The following PHF21B variants were observed in gnomAD, a reference collection of about 807,000 sequenced individuals.
PHF21B encodes PHD finger protein 21B.
In PHF21B, 22 loss-of-function variants were observed where a neutral mutation model predicts 62.2. The observed-to-expected ratio is 0.35, with a 90% CI of 0.25 to 0.51. The LOEUF is 0.51. Among genes scored for constraint, PHF21B ranks in the 20% least tolerant of loss-of-function variants. The pLI is 0.97. For missense variants in PHF21B, 701 were observed against 707.9 expected (o/e 0.99, Z 0.11); for synonymous variants, 341 against 314.7 (o/e 1.08, Z -0.88).
chr22:44,994,084 G>A (rs2073082262), intron 2 of PHF21B, among the ~76,000 whole-genome samples: 1 of 152,212 alleles, frequency 6.6e-6, no homozygotes, highest in Non-Finnish European at 1.5e-5. Context: ...CACATACTGA[G>A]CCAAAGGCAC....
chr22:45,007,546 G>A (rs2073341674), intron 2 of PHF21B, among the ~76,000 whole-genome samples: 2 of 122,196 alleles, frequency 1.6e-5, no homozygotes, highest in Non-Finnish European at 3.6e-5. Context: ...GCGCGGCGCG[G>A]GCGGGGGCGG....
intron 5 of PHF21B, among the ~76,000 whole-genome samples, chr22:44,908,470 G>C (rs1334093780): frequency 6.6e-6 from 1 of 152,136 alleles, no homozygotes; most frequent in Non-Finnish European, 1.5e-5. Flanking sequence ...GTCACTCTGG[G>C]ACACTGCTGA....
At chr22:44,964,198 GTTAATA>G (rs1177495320) in intron 2 of PHF21B, among the ~76,000 whole-genome samples, 7 of 152,312 alleles carry the variant, frequency 4.6e-5, no homozygotes, top group African/African-American at 1.4e-4. Context: ...CAATATACTC[GTTAATA>G]TTAATATTCA....
intron 5 of PHF21B, among the ~76,000 whole-genome samples, chr22:44,908,316 T>C (rs2071286916): frequency 1.3e-5 from 2 of 152,172 alleles, no homozygotes; most frequent in Non-Finnish European, 2.9e-5. Context: ...AGTCCCTTCC[T>C]GTGGGGCCTG....
rs114790436 is a variant in PHF21B at position 44,998,870 on chromosome 22, G to A, written c.120+9675C>T. ...TACAATGCTCGCCCCATTCATCCCC[G>A]GGACATCACTGCCAGAGGGGCTCCA... On this transcript the variant is annotated intron_variant, in intron 2 of 12. Coordinates refer to ENST00000313237, the MANE Select transcript of PHF21B (RefSeq NM_138415.5). Among the ~76,000 whole-genome samples, 210 of 152,184 alleles carry A rather than the reference G, an allele frequency of 1.4e-3. 1 individual carries two copies. Among genetic ancestry groups the A allele is most frequent in the African/African-American group, 4.7e-3 (195 of 41,540 alleles).
At chr22:44,948,565 A>G (rs2072125737) in intron 2 of PHF21B, among the ~76,000 whole-genome samples, 1 of 152,202 alleles carries the variant, frequency 6.6e-6, no homozygotes, top group Admixed American at 6.5e-5. Flanking sequence ...GTGGTGCAGA[A>G]CTGTAGTCCC....
intron 2 of PHF21B, among the ~76,000 whole-genome samples, chr22:44,960,047 C>A (rs547018445): frequency 6.6e-6 from 1 of 152,318 alleles, no homozygotes; most frequent in East Asian, 1.9e-4. Context: ...AGTCCTGCAA[C>A]CCTCTCTAAT....
chr22:44,882,399 G>A lies in PHF21B; in HGVS notation c.*687C>T, dbSNP rs562124514. 2.3e-3 allele frequency: 351 copies of A among 152,882 alleles called. 1 individual carries two copies. The highest frequency in any genetic ancestry group is 3.7e-3 in the Non-Finnish European group (250 of 68,132). 9.5% of individuals were successfully genotyped at this position (152,882 alleles called of 1,614,324 possible). The stretch of plus-strand genomic sequence containing the variant: ...GAGCAGGAAGGGCACAGGCTCTGGC[G>A]GGGATCACTGCAGCGTCCCGGCGCC... On this transcript the variant is annotated 3_prime_UTR_variant, in exon 13 of 13. Transcript: ENST00000313237.
At chr22:44,973,414 C>G (rs978671875) in intron 2 of PHF21B, among the ~76,000 whole-genome samples, 1 of 152,164 alleles carries the variant, frequency 6.6e-6, no homozygotes, top group African/African-American at 2.4e-5. Flanking sequence ...ACAGGACAAA[C>G]AGCCAACCCT....
At chr22:44,888,148 AGGTCAGCCACAGCCAGGGCAGCGGGGGCC>A in intron 9 of PHF21B, 27 bp from the exon 10 acceptor site, 1 of 1,487,080 alleles carries the variant, frequency 6.7e-7, no homozygotes, top group Non-Finnish European at 9.0e-7. Flanking sequence ...GGCAGGAGAC[AGGTCAGCCACAGCCAGGGCAGCGGGGGCC>A]GGTCAGCCAG....
chr22:45,000,231 CG>C (rs1366897923), intron 2 of PHF21B, among the ~76,000 whole-genome samples: 1 of 152,072 alleles, frequency 6.6e-6, no homozygotes, highest in Non-Finnish European at 1.5e-5. Context: ...GGAGGGAAAT[CG>C]GGGGGCAGGG....
At chr22:44,928,786 G>A (rs1601609100) in intron 2 of PHF21B, among the ~76,000 whole-genome samples, 1 of 152,288 alleles carries the variant, frequency 6.6e-6, no homozygotes, top group South Asian at 2.1e-4. Flanking sequence ...CCTCGCAGTG[G>A]GCCGTGTTTC....
intron 10 of PHF21B, 133 bp downstream of exon 10, chr22:44,887,830 G>T: frequency 1.1e-6 from 1 of 912,478 alleles, no homozygotes; most frequent in Non-Finnish European, 1.5e-6. Context: ...AGCCCCAAAT[G>T]TCAATTGTGC....
intron 2 of PHF21B, among the ~76,000 whole-genome samples, chr22:44,973,408 G>A (rs2072676129): frequency 6.6e-6 from 1 of 152,178 alleles, no homozygotes; most frequent in Admixed American, 6.5e-5. Flanking sequence ...GAGGTTACAG[G>A]ACAAACAGCC....
chr22:44,925,696 C>T (rs1195351121), intron 2 of PHF21B, among the ~76,000 whole-genome samples: 5 of 152,222 alleles, frequency 3.3e-5, no homozygotes, highest in Admixed American at 6.5e-5. Context: ...CACAGCCTGG[C>T]GGGCAGCACT....
At chr22:44,923,504 T>C (rs2071574822) in intron 2 of PHF21B, among the ~76,000 whole-genome samples, 1 of 151,912 alleles carries the variant, frequency 6.6e-6, no homozygotes, top group Non-Finnish European at 1.5e-5. Context: ...AAGGGCAAAA[T>C]AATAAATTAA....
intron 2 of PHF21B, among the ~76,000 whole-genome samples, chr22:44,958,173 G>A (rs867928385): frequency 3.2e-4 from 48 of 152,270 alleles, no homozygotes; most frequent in Middle Eastern, 3.4e-3. Context: ...AAAGTGCTGG[G>A]ATTACAGGTG....
intron 10 of PHF21B, 25 bp downstream of exon 10, chr22:44,887,938 G>A (rs2070888961): frequency 6.9e-7 from 1 of 1,444,734 alleles, no homozygotes. Flanking sequence ...AGTCTGGGGT[G>A]AGGGGGTCAC....
intron 2 of PHF21B, among the ~76,000 whole-genome samples, chr22:44,976,858 G>A (rs1243772869): frequency 6.6e-6 from 1 of 152,242 alleles, no homozygotes. Flanking sequence ...AAAGTGGCCA[G>A]GGCCGGGCGG....
Sources: gnomAD v4.1 joint callset for allele counts (sites outside exome capture counted in the v4.1 genomes callset) on GRCh38, gnomAD v4.1.1 for gene constraint, MANE v1.5 for transcripts, NCBI Gene and HGNC (gene_info 2026-07-23, HGNC 2026-07-21) for gene names.